KCNT2: variants seen among roughly 807,000 people sequenced by gnomAD.
KCNT2 encodes the protein potassium sodium-activated channel subfamily T member 2.
Under a neutral mutation model 153.8 loss-of-function variants are expected in KCNT2, and 67 were observed. The ratio of observed to expected loss-of-function variants is 0.44; its 90% CI spans 0.36 to 0.53. The LOEUF (loss-of-function observed/expected upper bound fraction) is 0.53. Ranked by LOEUF, KCNT2 falls within the 20% of genes least tolerant of loss-of-function variation. The pLI, the probability that KCNT2 is intolerant of heterozygous loss-of-function variation, is 0.00. For synonymous variants in KCNT2, 500 were observed against 458.8 expected (o/e 1.09, Z -1.15); for missense variants, 975 against 1,354.8 (o/e 0.72, Z 4.40).
At chr1:196,232,164 T>C (rs1392937093) in intron 27 of KCNT2, among the ~76,000 whole-genome samples, 2 of 151,828 alleles carry the variant, frequency 1.3e-5, no homozygotes, top group Non-Finnish European at 2.9e-5. Flanking sequence ...TTTTGTCATC[T>C]ATGCACACTG....
rs1003916937 is a variant in KCNT2, at chr1:196,333,995, G to C, written c.1849C>G (p.Pro617Ala). 1.4e-5 allele frequency: 22 copies of C among 1,613,294 alleles called. No homozygotes were observed. Among genetic ancestry groups the C allele is most frequent in the Non-Finnish European group, 1.9e-5 (22 of 1,179,646 alleles). Residue 617 changes from proline (P) to alanine (A), a missense_variant, in exon 17 of 28, where the codon CCT (proline) becomes GCT (alanine). Physicochemically the swap from Pro to Ala is conservative, Grantham distance 27. Coordinates refer to ENST00000294725, the MANE Select transcript of KCNT2 (RefSeq NM_198503.5). Reference sequence around the variant, plus strand: ...CTTATTTCTTTGCTTCCCTCTGTAGGAAGAGACAGGGTAGGGCCACTTGCT... The same window carrying C: ...CTTATTTCTTTGCTTCCCTCTGTAGCAAGAGACAGGGTAGGGCCACTTGCT... ...RSASGPTLSL[P>A]TEGSKEIRRP...
chr1:196,377,439 A>C (rs1477073539), intron 13 of KCNT2, among the ~76,000 whole-genome samples: 1 of 152,036 alleles, frequency 6.6e-6, no homozygotes, highest in African/African-American at 2.4e-5. Context: ...ATAATATAGA[A>C]ATGCATACTG....
At chr1:196,295,935 G>A (rs906550434) in intron 22 of KCNT2, among the ~76,000 whole-genome samples, 4 of 151,864 alleles carry the variant, frequency 2.6e-5, no homozygotes, top group Non-Finnish European at 5.9e-5. Flanking sequence ...TCATGGTTTT[G>A]AAAGATTAAC....
intron 1 of KCNT2, among the ~76,000 whole-genome samples, chr1:196,545,471 G>T (rs890292828): frequency 2.6e-5 from 4 of 151,978 alleles, no homozygotes; most frequent in African/African-American, 9.7e-5. Context: ...GGCTGGAGAG[G>T]TTGCTAAGCA....
At chr1:196,276,201 A>C (rs139752053) in intron 25 of KCNT2, among the ~76,000 whole-genome samples, 3 of 152,008 alleles carry the variant, frequency 2.0e-5, no homozygotes, top group African/African-American at 7.2e-5. Flanking sequence ...AAATAGTTCA[A>C]CATAATTTTT....
intron 1 of KCNT2, among the ~76,000 whole-genome samples, chr1:196,550,723 C>A (rs188334586): frequency 2.6e-5 from 4 of 151,772 alleles, no homozygotes; most frequent in Non-Finnish European, 5.9e-5. Context: ...CTTCTGTTCC[C>A]TTTCTGCTCA....
intron 4 of KCNT2, among the ~76,000 whole-genome samples, chr1:196,481,045 A>G (rs989265549): frequency 1.3e-5 from 2 of 152,146 alleles, no homozygotes; most frequent in Non-Finnish European, 2.9e-5. Flanking sequence ...ATTTTAATGA[A>G]CATTTCAATA....
At chr1:196,507,121 A>C (rs1400736064) in intron 1 of KCNT2, among the ~76,000 whole-genome samples, 2 of 152,188 alleles carry the variant, frequency 1.3e-5, no homozygotes, top group East Asian at 3.8e-4. Context: ...CAAAGAATAC[A>C]TCAGTAATAT....
chr1:196,315,611 A>G (rs1011288374), intron 21 of KCNT2, among the ~76,000 whole-genome samples: 4 of 151,684 alleles, frequency 2.6e-5, no homozygotes, highest in African/African-American at 9.7e-5. Context: ...ACTCATGACT[A>G]CTAGTACACA....
intron 8 of KCNT2, among the ~76,000 whole-genome samples, chr1:196,458,576 C>A (rs1312284703): frequency 3.3e-5 from 5 of 151,906 alleles, no homozygotes; most frequent in Admixed American, 2.0e-4. Context: ...TATATCATTA[C>A]AAAGGCACAT....
intron 13 of KCNT2, among the ~76,000 whole-genome samples, chr1:196,380,223 A>G (rs776355009): frequency 6.6e-6 from 1 of 152,158 alleles, no homozygotes; most frequent in Non-Finnish European, 1.5e-5. Context: ...AGAGTTTTAG[A>G]AGCATATGAC....
At chr1:196,523,578 C>A (rs1397998477) in intron 1 of KCNT2, among the ~76,000 whole-genome samples, 1 of 152,138 alleles carries the variant, frequency 6.6e-6, no homozygotes, top group Non-Finnish European at 1.5e-5. Context: ...AAGATGTCTG[C>A]AACTGCTCCA....
chr1:196,445,859 G>A (rs1012896799), intron 8 of KCNT2, among the ~76,000 whole-genome samples: 5 of 151,058 alleles, frequency 3.3e-5, no homozygotes, highest in African/African-American at 1.2e-4. Context: ...TTGCTTATAA[G>A]CTAGTATCAA....
In KCNT2 at chr1:196,425,962, A is replaced by G; in HGVS notation, c.1011T>C (p.Pro337=). Residue 337 remains proline, a synonymous_variant, in exon 11 of 28, where the codon CCT becomes CCC. Coordinates refer to ENST00000294725, the MANE Select transcript of KCNT2 (RefSeq NM_198503.5). The part of the protein sequence containing the change: ...LQDYYVVILC[P]TEMDVQVRRV... ...TTCGAACCTGTACATCCATTTCAGT[A>G]GGACACAAAATCACCACATAATAAT... 6.2e-7 allele frequency: 1 copy of G among 1,612,160 alleles called. No homozygotes were observed. Among genetic ancestry groups the G allele is most frequent in the Middle Eastern group, 1.7e-4 (1 of 6,046 alleles).
rs188402896 is a variant in KCNT2 at position 196,273,977 on chromosome 1, A to G, written c.2910+6883T>C. The stretch of plus-strand genomic sequence containing the variant: ...TGGTAGTAGCTTATAAAGCTACTAT[A>G]GTCATAACAGAATACTTGATATAAT... On this transcript the variant is annotated intron_variant, in intron 25 of 27. Transcript: ENST00000294725. Among the ~76,000 whole-genome samples, 264 of 151,874 alleles carry G rather than the reference A, an allele frequency of 1.7e-3. 10 individuals carry two copies. Among genetic ancestry groups the G allele is most frequent in the Admixed American group, 0.014 (216 of 15,214 alleles).
chr1:196,525,626 G>C (rs1246143136), intron 1 of KCNT2, among the ~76,000 whole-genome samples: 2 of 152,182 alleles, frequency 1.3e-5, no homozygotes, highest in Non-Finnish European at 2.9e-5. Context: ...CTATAGAAAA[G>C]ATGGGAAGGT....
At chr1:196,410,909 C>T (rs1672243857) in intron 12 of KCNT2, among the ~76,000 whole-genome samples, 2 of 149,430 alleles carry the variant, frequency 1.3e-5, no homozygotes, top group East Asian at 2.0e-4. Flanking sequence ...CTTTCTTTTC[C>T]TTCCTTTCCT....
intron 8 of KCNT2, among the ~76,000 whole-genome samples, chr1:196,441,155 A>T (rs1301957431): frequency 6.6e-6 from 1 of 151,868 alleles, no homozygotes; most frequent in Non-Finnish European, 1.5e-5. Context: ...TGTTAACTGA[A>T]ACCGTGTTAA....
chr1:196,487,532 A>T (rs553877574), intron 3 of KCNT2, among the ~76,000 whole-genome samples: 3 of 151,984 alleles, frequency 2.0e-5, no homozygotes, highest in African/African-American at 7.2e-5. Flanking sequence ...ATTAGACTCC[A>T]GTAAACAAAA....
Sources: gnomAD v4.1 joint callset for allele counts (sites outside exome capture counted in the v4.1 genomes callset) on GRCh38, gnomAD v4.1.1 for gene constraint, MANE v1.5 for transcripts, NCBI Gene and HGNC (gene_info 2026-07-23, HGNC 2026-07-21) for gene names.